Variants in EYS observed in about 807,000 individuals in gnomAD.
EYS encodes protein eyes shut homolog.
Under a neutral mutation model 282.1 loss-of-function variants are expected in EYS, and 250 were observed. That is an observed-to-expected ratio of 0.89 (90% CI 0.80 to 0.98). The LOEUF (loss-of-function observed/expected upper bound fraction) is 0.98. Ranked by LOEUF, EYS falls within the 50% of genes least tolerant of loss-of-function variation. The pLI, the probability that EYS is intolerant of heterozygous loss-of-function variation, is 0.00. For synonymous variants in EYS, 1,355 were observed against 1,282.9 expected, an observed-to-expected ratio of 1.06 and a Z score of -1.20; for missense variants, 4,016 against 3,709.0, an observed-to-expected ratio of 1.08 and a Z score of -2.15.
intron 31 of EYS, among the ~76,000 whole-genome samples, chr6:64,091,331 T>C (rs977097331): frequency 2.6e-5 from 4 of 152,178 alleles, no homozygotes; most frequent in African/African-American, 7.2e-5. Context: ...AATGGTTATG[T>C]CCTTATTTTA....
intron 26 of EYS, among the ~76,000 whole-genome samples, chr6:64,582,085 C>G (rs921749613): frequency 1.3e-5 from 2 of 152,148 alleles, no homozygotes; most frequent in Non-Finnish European, 2.9e-5. Context: ...AGTAAGTATT[C>G]TGGGCTTGCT....
chr6:64,977,186 C>T (rs575694018), intron 14 of EYS, among the ~76,000 whole-genome samples: 10 of 152,070 alleles, frequency 6.6e-5, no homozygotes, highest in Middle Eastern at 3.4e-3. Flanking sequence ...AACCACTGCA[C>T]GTTGCCTTAT....
chr6:64,576,241 T>TA (rs775445130), intron 26 of EYS, among the ~76,000 whole-genome samples: 3 of 152,108 alleles, frequency 2.0e-5, no homozygotes, highest in Non-Finnish European at 4.4e-5. Context: ...CAAAATCATG[T>TA]AAGCAACATT....
intron 5 of EYS, among the ~76,000 whole-genome samples, chr6:65,420,879 T>G (rs1767430979): frequency 6.6e-6 from 1 of 151,872 alleles, no homozygotes. Flanking sequence ...GGAATATTTT[T>G]TTTTTCCTGA....
intron 22 of EYS, among the ~76,000 whole-genome samples, chr6:64,670,498 G>A (rs986167299): frequency 1.3e-5 from 2 of 151,864 alleles, no homozygotes; most frequent in African/African-American, 4.8e-5. Flanking sequence ...ACCGTGTTAC[G>A]TTTGACCTTT....
intron 37 of EYS, among the ~76,000 whole-genome samples, chr6:63,790,537 G>T (rs1289031963): frequency 6.6e-6 from 1 of 152,218 alleles, no homozygotes; most frequent in Non-Finnish European, 1.5e-5. Flanking sequence ...CTTATGGCAA[G>T]TCTCTTTTTC....
At chr6:63,948,896 A>G (rs1765480345) in intron 35 of EYS, among the ~76,000 whole-genome samples, 1 of 152,086 alleles carries the variant, frequency 6.6e-6, no homozygotes, top group Admixed American at 6.6e-5. Context: ...ACAGTGTGCT[A>G]TATATATGTT....
chr6:63,794,897 G>A (rs116435586), intron 37 of EYS, among the ~76,000 whole-genome samples: 245 of 152,282 alleles, frequency 1.6e-3, no homozygotes, highest in African/African-American at 5.2e-3. Context: ...GACAAGGCAA[G>A]AGATACTTGT....
intron 29 of EYS, among the ~76,000 whole-genome samples, chr6:64,340,262 A>T (rs897120247): frequency 6.6e-6 from 1 of 151,812 alleles, no homozygotes; most frequent in African/African-American, 2.4e-5. Context: ...CCAAATAGCC[A>T]AATCAATTCT....
rs566115939 is a variant in EYS at position 64,167,268 on chromosome 6, T to G, written c.6424+63324A>C. Among the ~76,000 whole-genome samples the G allele has an allele frequency of 7.2e-5, 11 of 152,338 alleles. No individual in the cohort carries two copies. The South Asian group carries it at 2.1e-3, about 29-fold the overall frequency. ...TGGTACCTATGATATGAAATTAAATTATACATCAATGTGGAAAATGATGGA... is the reference window on the plus strand; with the variant it reads ...TGGTACCTATGATATGAAATTAAATGATACATCAATGTGGAAAATGATGGA... On this transcript the variant is annotated intron_variant, in intron 31 of 42. Transcript: ENST00000503581.
intron 41 of EYS, among the ~76,000 whole-genome samples, chr6:63,740,947 A>C (rs1769060114): frequency 6.6e-6 from 1 of 152,218 alleles, no homozygotes; most frequent in South Asian, 2.1e-4. Context: ...AATTTGGGAA[A>C]GGTCCAGGGT....
chr6:64,546,459 G>C (rs1764872612), intron 26 of EYS, among the ~76,000 whole-genome samples: 2 of 152,142 alleles, frequency 1.3e-5, no homozygotes, highest in South Asian at 4.1e-4. Context: ...ACATAGGCAT[G>C]GGCAAGGACT....
chr6:64,358,099 TC>T (rs1224350822), intron 29 of EYS, among the ~76,000 whole-genome samples: 1 of 151,636 alleles, frequency 6.6e-6, no homozygotes, highest in Non-Finnish European at 1.5e-5. Context: ...TGATTGAATA[TC>T]CTGTCTGTAC....
intron 12 of EYS, among the ~76,000 whole-genome samples, chr6:65,060,171 G>C (rs553690456): frequency 2.8e-4 from 42 of 151,132 alleles, no homozygotes; most frequent in African/African-American, 8.0e-4. Context: ...AACTAATGAG[G>C]ATAAAGAATT....
chr6:64,613,200 T>C (rs185251241), intron 24 of EYS, among the ~76,000 whole-genome samples: 185 of 152,280 alleles, frequency 1.2e-3, no homozygotes, highest in African/African-American at 4.1e-3. Flanking sequence ...GCCAAATTAA[T>C]GACTTTTGAA....
At chr6:64,755,947 A>G (rs183103202) in intron 22 of EYS, among the ~76,000 whole-genome samples, 6 of 152,344 alleles carry the variant, frequency 3.9e-5, no homozygotes, top group Non-Finnish European at 8.8e-5. Context: ...TTGTGAATCT[A>G]TAAGTTAATA....
At chr6:63,974,631 T>C (rs1376356436) in intron 35 of EYS, among the ~76,000 whole-genome samples, 1 of 151,868 alleles carries the variant, frequency 6.6e-6, no homozygotes, top group African/African-American at 2.4e-5. Flanking sequence ...ATATAAAAAA[T>C]ATGAGTGGAA....
intron 2 of EYS, among the ~76,000 whole-genome samples, chr6:65,626,188 T>C (rs1478867234): frequency 6.6e-6 from 1 of 152,196 alleles, no homozygotes; most frequent in Non-Finnish European, 1.5e-5. Flanking sequence ...GACTATTCAG[T>C]CCTGGGAGAT....
At chr6:63,938,119 A>T (rs1184745144) in intron 35 of EYS, among the ~76,000 whole-genome samples, 1 of 152,214 alleles carries the variant, frequency 6.6e-6, no homozygotes, top group Non-Finnish European at 1.5e-5. Context: ...TAGATTTCTG[A>T]ACTCTGCACA....
Sources: allele counts gnomAD v4.1 joint callset (sites outside exome capture counted in the v4.1 genomes callset), GRCh38; gene constraint gnomAD v4.1.1; transcripts MANE v1.5; gene names NCBI Gene and HGNC (gene_info 2026-07-23, HGNC 2026-07-21).